The following ZNF875 variants were observed in gnomAD, a reference collection of about 807,000 sequenced individuals.
ZNF875 encodes zinc finger protein 875, also known as HKR1, GLI-Kruppel zinc finger family member.
In ZNF875, 14 loss-of-function variants were observed where a neutral mutation model predicts 11.2. That is an observed-to-expected ratio of 1.26 (90% CI 0.83 to 1.96). ZNF875 has a LOEUF of 1.96. Ranked by LOEUF, ZNF875 falls within the 30% of genes most tolerant of loss-of-function variation. ZNF875 has a pLI of 0.00. For missense variants in ZNF875, 752 were observed against 760.4 expected (o/e 0.99, Z 0.13); for synonymous variants, 301 against 281.1 (o/e 1.07, Z -0.71).
chr19:37,353,336 A>ACATT (rs2146441363), intron 4 of ZNF875, among the ~76,000 whole-genome samples: 1 of 152,328 alleles, frequency 6.6e-6, no homozygotes, highest in South Asian at 2.1e-4. Context: ...GAGTATGTTT[A>ACATT]CATTCCCCTC....
At chr19:37,355,851 G>C (rs1345576745) in intron 4 of ZNF875, among the ~76,000 whole-genome samples, 1 of 152,018 alleles carries the variant, frequency 6.6e-6, no homozygotes, top group African/African-American at 2.4e-5. Flanking sequence ...TGTAATGCTG[G>C]GGTTTGGGGC....
At chr19:37,326,073 C>T (rs1242070862) in intron 4 of ZNF875, among the ~76,000 whole-genome samples, 1 of 152,108 alleles carries the variant, frequency 6.6e-6, no homozygotes, top group Non-Finnish European at 1.5e-5. Flanking sequence ...AAATTCCTGG[C>T]TCAAGCAGTC....
At chr19:37,346,139 A>G (rs2036713056) in intron 2 of ZNF875, among the ~76,000 whole-genome samples, 1 of 152,202 alleles carries the variant, frequency 6.6e-6, no homozygotes, top group Non-Finnish European at 1.5e-5. Flanking sequence ...AGGCAACACA[A>G]TAAAGCAGGA....
intron 4 of ZNF875, among the ~76,000 whole-genome samples, chr19:37,355,483 C>T (rs1477685157): frequency 1.3e-5 from 2 of 152,168 alleles, no homozygotes; most frequent in African/African-American, 4.8e-5. Context: ...CCACCACCCC[C>T]GGCCTGTAAG....
At chr19:37,354,113 T>C (rs2038436110) in intron 4 of ZNF875, among the ~76,000 whole-genome samples, 1 of 152,114 alleles carries the variant, frequency 6.6e-6, no homozygotes, top group African/African-American at 2.4e-5. Context: ...GGTGGGTGGA[T>C]ATATGTAATT....
chr19:37,330,226 A>G (rs776449579), upstream of ZNF875, among the ~76,000 whole-genome samples: 22 of 152,216 alleles, frequency 1.4e-4, no homozygotes, highest in South Asian at 8.3e-4. Context: ...AAGTCAAATT[A>G]TCCTATCCAT....
upstream of ZNF875, among the ~76,000 whole-genome samples, chr19:37,331,583 C>A (rs999753935): frequency 7.4e-5 from 11 of 148,664 alleles, no homozygotes; most frequent in African/African-American, 2.7e-4. Flanking sequence ...GGATTAAGGG[C>A]GGTGCAAGAT....
intron 4 of ZNF875, among the ~76,000 whole-genome samples, chr19:37,353,074 A>G (rs899928399): frequency 7.2e-5 from 11 of 151,812 alleles, no homozygotes; most frequent in Non-Finnish European, 4.4e-5. Context: ...GGATTTCACC[A>G]TGTTGGCCAG....
chr19:37,353,101 T>A (rs1470177103), intron 4 of ZNF875, among the ~76,000 whole-genome samples: 1 of 152,120 alleles, frequency 6.6e-6, no homozygotes, highest in Admixed American at 6.5e-5. Flanking sequence ...CTCGAACTCC[T>A]GACCTCAAGT....
chr19:37,335,724 A>G (rs10412043), intron 2 of ZNF875, among the ~76,000 whole-genome samples: 40 of 152,028 alleles, frequency 2.6e-4, no homozygotes, highest in Non-Finnish European at 5.4e-4. Flanking sequence ...TCAAGGAGCC[A>G]GGCGCCAGGC....
chr19:37,314,051 CAA>C (rs35647275), upstream of ZNF875, among the ~76,000 whole-genome samples: 1 of 151,898 alleles, frequency 6.6e-6, no homozygotes, highest in Admixed American at 6.6e-5. Context: ...CTGTAGATTA[CAA>C]AAGTCATTCA....
intron 4 of ZNF875, chr19:37,357,969 G>A (rs2039204340): frequency 2.5e-6 from 1 of 398,104 alleles, no homozygotes; most frequent in Admixed American, 4.4e-5. Flanking sequence ...TAGGGGGAAT[G>A]GTTTCAGCTT....
intron 1 of ZNF875, among the ~76,000 whole-genome samples, chr19:37,319,509 T>C (rs2030933431): frequency 6.6e-6 from 1 of 151,972 alleles, no homozygotes. Flanking sequence ...TGTGAAGATT[T>C]GGTGCTTTAT....
chr19:37,321,298 A>G (rs1343536684), intron 1 of ZNF875, among the ~76,000 whole-genome samples: 1 of 152,220 alleles, frequency 6.6e-6, no homozygotes, highest in African/African-American at 2.4e-5. Flanking sequence ...TCCCTGGGCA[A>G]TGGAATGTCT....
chr19:37,325,834 A>T (rs79485754), intron 4 of ZNF875, among the ~76,000 whole-genome samples: 1 of 152,110 alleles, frequency 6.6e-6, no homozygotes, highest in Non-Finnish European at 1.5e-5. Context: ...CAGCCTCCCA[A>T]GTAGCTGGGA....
At chr19:37,323,302 C>T (rs1200349644) in intron 2 of ZNF875, among the ~76,000 whole-genome samples, 1 of 151,976 alleles carries the variant, frequency 6.6e-6, no homozygotes, top group Non-Finnish European at 1.5e-5. Context: ...TACAGGTGCC[C>T]ACCACCACGC....
At position 37,334,691 on chromosome 19, in the gene ZNF875, C is replaced by G. The variant is rs1213520439; in HGVS notation, c.-148C>G. 3 of 456,006 alleles carry G rather than the reference C, an allele frequency of 6.6e-6. No homozygotes were observed. Among genetic ancestry groups the G allele is most frequent in the Non-Finnish European group, 1.3e-5 (3 of 226,786 alleles). 28.2% of individuals were successfully genotyped at this position (456,006 alleles called of 1,614,324 possible). On this transcript the variant is annotated 5_prime_UTR_variant, in exon 1 of 5. Coordinates refer to ENST00000392153, the MANE Select transcript of ZNF875 (RefSeq NM_001353803.2). Reference sequence around the variant, plus strand: ...CAGGCGCGTTAAGCTGGTTGGGACCCGGGAAGGCCTCCCTCTTAAGGTCTT... The same window carrying G: ...CAGGCGCGTTAAGCTGGTTGGGACCGGGGAAGGCCTCCCTCTTAAGGTCTT...
intron 2 of ZNF875, among the ~76,000 whole-genome samples, chr19:37,340,378 T>A: frequency 6.6e-6 from 1 of 152,198 alleles, no homozygotes; most frequent in East Asian, 1.9e-4. Flanking sequence ...CTTTCTTCTC[T>A]CACATGAAAG....
intron 2 of ZNF875, among the ~76,000 whole-genome samples, chr19:37,340,165 A>G (rs1041423684): frequency 2.2e-4 from 34 of 151,922 alleles, no homozygotes; most frequent in African/African-American, 7.7e-4. Flanking sequence ...TATTTTTAGT[A>G]GAGATGGGGT....
Sources: allele counts gnomAD v4.1 joint callset (sites outside exome capture counted in the v4.1 genomes callset), GRCh38; gene constraint gnomAD v4.1.1; transcripts MANE v1.5; gene names NCBI Gene and HGNC (gene_info 2026-07-23, HGNC 2026-07-21).